Variants in SMG1 observed in about 807,000 individuals in gnomAD.
SMG1 encodes SMG1 nonsense mediated mRNA decay associated PI3K related kinase.
In SMG1, 22 loss-of-function variants were observed where a neutral mutation model predicts 419.9. The observed-to-expected ratio is 0.05, with a 90% confidence interval of 0.04 to 0.07. The LOEUF is 0.07. Ranked by LOEUF, SMG1 falls within the 10% of genes least tolerant of loss-of-function variation. The pLI is 1.00. For synonymous variants in SMG1, 1,538 were observed against 1,553.5 expected, an observed-to-expected ratio of 0.99 and a Z score of 0.23; for missense variants, 3,185 against 4,342.0, an observed-to-expected ratio of 0.73 and a Z score of 7.49.
chr16:18,876,486 G>C (rs1326794836), intron 12 of SMG1, 93 bp from the exon 13 acceptor site: 17 of 1,386,640 alleles, frequency 1.2e-5, no homozygotes, highest in Non-Finnish European at 1.6e-5. Flanking sequence ...TAGTGCTGAC[G>C]ATACAAATAA....
Position 18,863,725 on chromosome 16 carries a change from T to C in SMG1, c.3620A>G (p.Gln1207Arg). 1 of 1,589,414 alleles carries C rather than the reference T, an allele frequency of 6.3e-7. No individual in the cohort carries two copies. The highest frequency in any genetic ancestry group is 8.5e-7 in the Non-Finnish European group (1 of 1,172,864). Residue 1207 changes from glutamine to arginine, a missense_variant, in exon 25 of 63, where the codon CAG (glutamine) becomes CGG (arginine). Physicochemically the swap from Gln to Arg is conservative, Grantham distance 43. This residue lies in a region of SMG1 where 120 missense variants were observed against 193.3 expected (regional missense o/e 0.62). Transcript: ENST00000446231. The stretch of plus-strand genomic sequence containing the variant: ...CTTTTTCAAGTCATGGATAGCGTTC[T>C]GCCATTCCTGCACAGCAGCCCAATC... Reference protein sequence around the residue: ...IADWAAVQEWQNAIHDLKKST... With the variant: ...IADWAAVQEWRNAIHDLKKST...
intron 1 of SMG1, among the ~76,000 whole-genome samples, chr16:18,910,764 A>G (rs1162050221): frequency 2.6e-5 from 4 of 152,120 alleles, no homozygotes. Context: ...CAAGTACTTA[A>G]AACTATCACA....
chr16:18,903,934 C>CT (rs71141091), intron 1 of SMG1, among the ~76,000 whole-genome samples: 15,981 of 99,686 alleles, frequency 0.16, 2,684 homozygotes, highest in African/African-American at 0.37. Context: ...TATGTCTTGT[C>CT]TTTTTTTTTT....
At chr16:18,850,596 T>C in intron 33 of SMG1, 129 bp from the exon 34 acceptor site, 1 of 635,520 alleles carries the variant, frequency 1.6e-6, no homozygotes, top group Non-Finnish European at 2.7e-6. Context: ...TTTAGTGTTA[T>C]ACACAGTAAG....
At chr16:18,810,173 C>G (rs1013974343) in intron 62 of SMG1, among the ~76,000 whole-genome samples, 1 of 152,040 alleles carries the variant, frequency 6.6e-6, no homozygotes, top group Admixed American at 6.5e-5. Flanking sequence ...ATAATGAAGA[C>G]ATCAAGAGGA....
At position 18,845,575 on chromosome 16, in the gene SMG1, T is replaced by A; in HGVS notation, c.6073A>T (p.Arg2025Trp). The A allele has an allele frequency of 1.2e-6, 2 of 1,613,866 alleles. No homozygotes were observed. Among genetic ancestry groups the A allele is most frequent in the Non-Finnish European group, 1.7e-6 (2 of 1,179,888 alleles). The change falls in exon 39 of 63, where the codon AGG (arginine) becomes TGG (tryptophan). Residue 2025 changes from arginine to tryptophan, a missense_variant. Arg to Trp is a moderately radical substitution (Grantham distance 101). Transcript: ENST00000446231. Reference protein sequence around the residue: ...KPIVFALEHVRSITAAPAETP... With the variant: ...KPIVFALEHVWSITAAPAETP... ...TCTGCAGGAGCCGCTGTGATACTCC[T>A]CACATGCTCCAAAGCAAATACGATG... is the stretch of plus-strand genomic sequence containing the variant.
intron 30 of SMG1, 68 bp from the exon 31 acceptor site, chr16:18,853,935 T>C: frequency 7.1e-7 from 1 of 1,414,180 alleles, no homozygotes. Flanking sequence ...GCACTTGGAT[T>C]AGGAAACAAA....
chr16:18,819,797 C>T, intron 55 of SMG1, 143 bp from the exon 56 acceptor site: 1 of 808,640 alleles, frequency 1.2e-6, no homozygotes, highest in East Asian at 3.1e-5. Flanking sequence ...TAACAATCAC[C>T]TTTTGGAATT....
In SMG1 at chr16:18,827,606, A is replaced by C. The variant is rs192112772; in HGVS notation, c.9741+425T>G. On this transcript the variant is annotated intron_variant, in intron 55 of 62. Transcript: ENST00000446231. The stretch of plus-strand genomic sequence containing the variant: ...ATATATTTTTAGATATATTTGGTAT[A>C]AATATACCAAAATATATATTTTTAT... Among the ~76,000 whole-genome samples the C allele has an allele frequency of 2.8e-5, 4 of 144,330 alleles. No individual in the cohort carries two copies. The East Asian group carries it at 7.9e-4, about 28-fold the overall frequency. The allele number at this position is 144,330 out of a possible 152,430, so 94.7% of individuals were successfully genotyped here.
At chr16:18,876,029 T>C (rs1276659084) in intron 13 of SMG1, 95 bp downstream of exon 13, 2 of 1,339,928 alleles carry the variant, frequency 1.5e-6, no homozygotes, top group Non-Finnish European at 2.1e-6. Context: ...ACAGTGATTC[T>C]GCAGACATCT....
intron 31 of SMG1, among the ~76,000 whole-genome samples, chr16:18,853,364 A>C (rs2034705966): frequency 6.6e-6 from 1 of 152,200 alleles, no homozygotes; most frequent in Non-Finnish European, 1.5e-5. Context: ...AAAACATCTA[A>C]GTCCATAAAA....
intron 11 of SMG1, 142 bp from the exon 12 acceptor site, chr16:18,877,374 A>G (rs1034925730): frequency 4.4e-5 from 23 of 527,286 alleles, no homozygotes; most frequent in African/African-American, 2.5e-4. Context: ...CATTCTGGAA[A>G]AGGCAAAACG....
Position 18,853,761 on chromosome 16 carries a change from T to C in SMG1, c.4590A>G (p.Lys1530=). The C allele has an allele frequency of 1.9e-6, 3 of 1,613,936 alleles. No individual in the cohort carries two copies. Among genetic ancestry groups the C allele is most frequent in the Non-Finnish European group, 2.5e-6 (3 of 1,179,860 alleles). ...AVAKSILTLA[K]WIQAEWKEIS... ...TCTCTTTCCATTCTGCCTGGATCCA[T>C]TTAGCCAGTGTCAGAATTGATTTAG... Residue 1530 remains lysine (K), a synonymous_variant, in exon 31 of 63, where the codon AAA becomes AAG. Transcript: ENST00000446231.
At position 18,806,022 on chromosome 16, in the gene SMG1, T is replaced by C. The variant is rs1175891056; in HGVS notation, c.*3547A>G. ...AAGCCCCCAGAGTTAATTACAAAAA[T>C]GTAGAGGAAAATAGGCCCGGAAGAC... is the stretch of plus-strand genomic sequence containing the variant. On this transcript the variant is annotated 3_prime_UTR_variant, in exon 63 of 63. Coordinates refer to ENST00000446231, the MANE Select transcript of SMG1 (RefSeq NM_015092.5). The C allele has an allele frequency of 6.6e-6, 1 of 152,522 alleles. No homozygotes were observed. Among genetic ancestry groups the C allele is most frequent in the Non-Finnish European group, 1.5e-5 (1 of 68,012 alleles). The allele number at this position is 152,522 out of a possible 1,614,324, so 9.4% of individuals were successfully genotyped here.
At chr16:18,848,611 T>C (rs922473652) in intron 36 of SMG1, among the ~76,000 whole-genome samples, 1 of 151,636 alleles carries the variant, frequency 6.6e-6, no homozygotes, top group African/African-American at 2.4e-5. Flanking sequence ...TGGCCAAAAA[T>C]TGGTATAATT....
intron 10 of SMG1, among the ~76,000 whole-genome samples, chr16:18,880,459 T>C (rs1032773706): frequency 6.6e-6 from 1 of 152,328 alleles, no homozygotes. Context: ...ATATCTATCA[T>C]CCTAGCACTT....
chr16:18,879,844 A>G, intron 10 of SMG1, 125 bp from the exon 11 acceptor site: 1 of 702,076 alleles, frequency 1.4e-6, no homozygotes, highest in Non-Finnish European at 2.5e-6. Context: ...GCAGTCTCTT[A>G]ATATTCTAGT....
In SMG1 at chr16:18,916,107, A is replaced by C. The variant is rs1180888459; in HGVS notation, c.92+9843T>G. 3.5e-5 allele frequency among the ~76,000 whole-genome samples: 5 copies of C among 144,160 alleles called. No homozygotes were observed. The South Asian group carries it at 1.1e-3, about 32-fold the overall frequency. 94.6% of individuals were successfully genotyped at this position (144,160 alleles called of 152,430 possible). A position where few individuals can be genotyped will look rare whatever the true frequency, so the allele number is the denominator to read the frequency against. On this transcript the variant is annotated intron_variant, in intron 1 of 62. Coordinates refer to ENST00000446231, the MANE Select transcript of SMG1 (RefSeq NM_015092.5). ...AAAAAAAACCAGAAAAAAAAAAAAA[A>C]CCACCACCACTTATACATACATAAA...
At position 18,828,230 on chromosome 16, in the gene SMG1, G is replaced by T. The variant is rs891167974; in HGVS notation, c.9604-62C>A. ...GAAAAAAGCGTTTAGATAAATAAGG[G>T]AAGGGAGGCGCAACCTAGGACTGGC... On this transcript the variant is annotated intron_variant, in intron 54 of 62. Coordinates refer to ENST00000446231, the MANE Select transcript of SMG1 (RefSeq NM_015092.5). The T allele has an allele frequency of 1.9e-6, 3 of 1,545,598 alleles. No homozygotes were observed. In the Admixed American group the frequency reaches 5.4e-5, roughly 28 times the overall value.
Sources: gnomAD v4.1 joint callset for allele counts (sites outside exome capture counted in the v4.1 genomes callset) on GRCh38, gnomAD v4.1.1 for gene constraint, gnomAD v4.1.1 regional missense constraint, MANE v1.5 for transcripts, NCBI Gene and HGNC (gene_info 2026-07-23, HGNC 2026-07-21) for gene names.